Variants in CALCRL observed in about 807,000 individuals in gnomAD.
CALCRL encodes calcitonin gene-related peptide type 1 receptor.
Under a neutral mutation model 60.4 loss-of-function variants are expected in CALCRL, and 27 were observed. That is an observed-to-expected ratio of 0.45 (90% CI 0.33 to 0.62). CALCRL has a LOEUF of 0.62. Ranked by LOEUF, CALCRL falls within the 20% of genes least tolerant of loss-of-function variation. CALCRL has a pLI of 0.03. For missense variants in CALCRL, 424 were observed against 540.7 expected (o/e 0.78, Z 2.14); for synonymous variants, 190 against 182.6 (o/e 1.04, Z -0.33).
chr2:187,383,256 A>C lies in CALCRL; in HGVS notation c.101T>G (p.Leu34Trp). The C allele has an allele frequency of 6.2e-7, 1 of 1,612,282 alleles. No individual in the cohort carries two copies. Reference sequence around the variant, plus strand: ...CATGATTTTATTTCTAGTAACTCCCAACTGAATTGAGTCCTCAGGACTCTC... The same window carrying C: ...CATGATTTTATTTCTAGTAACTCCCCACTGAATTGAGTCCTCAGGACTCTC... ...LEESPEDSIQ[L>W]GVTRNKIMTA... The change falls in exon 5 of 15, where the codon TTG (leucine) becomes TGG (tryptophan). Residue 34 changes from leucine to tryptophan, a missense_variant. Leu to Trp is a moderately conservative substitution (Grantham distance 61). Coordinates refer to ENST00000392370, the MANE Select transcript of CALCRL (RefSeq NM_005795.6).
intron 1 of CALCRL, among the ~76,000 whole-genome samples, chr2:187,393,866 T>G (rs1688552668): frequency 6.6e-6 from 1 of 152,034 alleles, no homozygotes; most frequent in Admixed American, 6.6e-5. Context: ...GATTTTAATA[T>G]ATAGCTAGGG....
intron 14 of CALCRL, among the ~76,000 whole-genome samples, chr2:187,351,413 C>T (rs912607113): frequency 2.0e-5 from 3 of 151,742 alleles, no homozygotes; most frequent in African/African-American, 4.8e-5. Context: ...AGAGCATTCT[C>T]TTCTAAATTT....
chr2:187,404,024 T>C (rs1484551765), intron 1 of CALCRL, among the ~76,000 whole-genome samples: 1 of 151,904 alleles, frequency 6.6e-6, no homozygotes, highest in African/African-American at 2.4e-5. Flanking sequence ...AGTGCTATTA[T>C]CAACTCAATT....
chr2:187,361,828 A>G (rs1687068677), intron 9 of CALCRL, among the ~76,000 whole-genome samples: 1 of 151,976 alleles, frequency 6.6e-6, no homozygotes, highest in Non-Finnish European at 1.5e-5. Flanking sequence ...TTTTCATTAT[A>G]TACGATGCCT....
At chr2:187,346,725 A>T (rs1381721145) in intron 14 of CALCRL, among the ~76,000 whole-genome samples, 1 of 151,906 alleles carries the variant, frequency 6.6e-6, no homozygotes, top group African/African-American at 2.4e-5. Context: ...ACAAGATTTC[A>T]TGTGCAACAT....
chr2:187,446,498 T>A (rs1169387580), intron 1 of CALCRL, among the ~76,000 whole-genome samples: 1 of 151,692 alleles, frequency 6.6e-6, no homozygotes, highest in African/African-American at 2.4e-5. Flanking sequence ...AAACAAAAAT[T>A]AAGGAAGTTT....
chr2:187,408,173 C>T (rs577368073), intron 1 of CALCRL, among the ~76,000 whole-genome samples: 3 of 151,766 alleles, frequency 2.0e-5, no homozygotes, highest in Admixed American at 2.0e-4. Context: ...TATTGAAAGC[C>T]AAAGTTAAAA....
At chr2:187,431,835 A>C (rs1024321217) in intron 1 of CALCRL, among the ~76,000 whole-genome samples, 1 of 152,062 alleles carries the variant, frequency 6.6e-6, no homozygotes, top group Non-Finnish European at 1.5e-5. Flanking sequence ...AAGCAAGCTA[A>C]GGGAGAATAG....
At chr2:187,426,735 T>A (rs2105884495) in intron 1 of CALCRL, among the ~76,000 whole-genome samples, 1 of 152,214 alleles carries the variant, frequency 6.6e-6, no homozygotes, top group Non-Finnish European at 1.5e-5. Flanking sequence ...TAACCCAGCT[T>A]ACCTATGAGG....
At chr2:187,398,337 A>G (rs1378945262) in intron 1 of CALCRL, among the ~76,000 whole-genome samples, 1 of 151,708 alleles carries the variant, frequency 6.6e-6, no homozygotes, top group Admixed American at 6.6e-5. Flanking sequence ...CAATAAAATC[A>G]GAAAATATAT....
chr2:187,442,799 T>A (rs1191825486), intron 1 of CALCRL, among the ~76,000 whole-genome samples: 1 of 151,932 alleles, frequency 6.6e-6, no homozygotes, highest in African/African-American at 2.4e-5. Flanking sequence ...AATTTACTTT[T>A]ATTATCTTGT....
At chr2:187,346,824 G>A (rs929723567) in intron 14 of CALCRL, among the ~76,000 whole-genome samples, 1 of 142,226 alleles carries the variant, frequency 7.0e-6, no homozygotes, top group African/African-American at 2.5e-5. Flanking sequence ...AAGAAGTTAG[G>A]ATACGAAGAA....
intron 8 of CALCRL, among the ~76,000 whole-genome samples, chr2:187,364,697 A>T (rs1487340453): frequency 6.6e-6 from 1 of 152,148 alleles, no homozygotes; most frequent in Admixed American, 6.5e-5. Flanking sequence ...CTCTGAAATT[A>T]CCTTTCTTCC....
chr2:187,444,070 C>T (rs569975062), intron 1 of CALCRL, among the ~76,000 whole-genome samples: 1 of 151,648 alleles, frequency 6.6e-6, no homozygotes, highest in Non-Finnish European at 1.5e-5. Flanking sequence ...CACTTATAAA[C>T]CATCTAGTTG....
At chr2:187,393,220 C>T (rs901761892) in intron 1 of CALCRL, among the ~76,000 whole-genome samples, 3 of 152,022 alleles carry the variant, frequency 2.0e-5, no homozygotes, top group East Asian at 1.9e-4. Flanking sequence ...CCACAAAGGA[C>T]GCTCTGGAAC....
intron 12 of CALCRL, among the ~76,000 whole-genome samples, chr2:187,358,434 G>C (rs1675280007): frequency 1.3e-5 from 2 of 152,026 alleles, no homozygotes. Flanking sequence ...ACACTAAAAT[G>C]TCTAATTCAT....
chr2:187,414,762 C>T (rs987046208), intron 1 of CALCRL, among the ~76,000 whole-genome samples: 6 of 152,032 alleles, frequency 3.9e-5, no homozygotes, highest in Admixed American at 6.6e-5. Context: ...TAATGTGAAA[C>T]TGGACTAAGA....
chr2:187,411,056 A>G (rs1320313898), intron 1 of CALCRL, among the ~76,000 whole-genome samples: 1 of 152,198 alleles, frequency 6.6e-6, no homozygotes. Flanking sequence ...ATCAACTTCA[A>G]TTACTCATGA....
intron 1 of CALCRL, among the ~76,000 whole-genome samples, chr2:187,427,393 T>C (rs1167047858): frequency 6.6e-6 from 1 of 152,170 alleles, no homozygotes; most frequent in Non-Finnish European, 1.5e-5. Context: ...GAAAATGTTG[T>C]TGCATTTGAG....
Sources: gnomAD v4.1 joint callset for allele counts (sites outside exome capture counted in the v4.1 genomes callset) on GRCh38, gnomAD v4.1.1 for gene constraint, MANE v1.5 for transcripts, NCBI Gene and HGNC (gene_info 2026-07-23, HGNC 2026-07-21) for gene names.